The following RABGGTB variants were observed in gnomAD, a reference collection of about 807,000 sequenced individuals.
RABGGTB encodes the protein geranylgeranyl transferase type-2 subunit beta.
A neutral mutation model predicts 44.5 loss-of-function variants in RABGGTB; 20 were observed. That is an observed-to-expected ratio of 0.45 (90% confidence interval 0.32 to 0.65). RABGGTB has a LOEUF of 0.65. RABGGTB is among the 30% of genes least tolerant of loss of function. The pLI, the probability that RABGGTB is intolerant of heterozygous loss-of-function variation, is 0.05. For synonymous variants in RABGGTB, 128 were observed against 136.7 expected (o/e 0.94, Z 0.44); for missense variants, 302 against 398.7 (o/e 0.76, Z 2.06).
intron 8 of RABGGTB, 136 bp from the exon 9 acceptor site, chr1:75,794,374 A>G (rs143839539): frequency 7.7e-7 from 1 of 1,295,864 alleles, no homozygotes; most frequent in Non-Finnish European, 1.1e-6. Context: ...TGTATGAAGG[A>G]TATAGAACAA....
Position 75,789,339 on chromosome 1 carries a change from A to T in RABGGTB, c.292A>T (p.Thr98Ser), listed in dbSNP as rs771297175. ...SIGHDPHLLY[T>S]LSAVQILTLY... ...CGGACATGATCCTCATCTTTTATACACTCTTAGTGCTGTCCAGGTAAATAC... is the reference window on the plus strand; with the variant it reads ...CGGACATGATCCTCATCTTTTATACTCTCTTAGTGCTGTCCAGGTAAATAC... The change falls in exon 3 of 9, where the codon ACT becomes TCT. Residue 98 changes from threonine to serine, a missense_variant. Physicochemically the swap from Thr to Ser is moderately conservative, Grantham distance 58 (BLOSUM62 1). This residue lies in a region of RABGGTB where 213 missense variants were observed against 323.7 expected (regional missense o/e 0.66). Transcript: ENST00000319942. 6.2e-7 allele frequency: 1 copy of T among 1,613,764 alleles called. No individual in the cohort carries two copies. The highest frequency in any genetic ancestry group is 8.5e-7 in the Non-Finnish European group (1 of 1,179,842).
At chr1:75,791,727 C>G (rs1323625694) in intron 6 of RABGGTB, 156 bp downstream of exon 6, 2 of 665,394 alleles carry the variant, frequency 3.0e-6, no homozygotes, top group Non-Finnish European at 5.1e-6. Context: ...GCTATCATTA[C>G]TTTGCTTTAT....
chr1:75,791,280 T>C lies in RABGGTB; in HGVS notation c.416-5T>C, dbSNP rs756492124. The C allele has an allele frequency of 3.1e-6, 5 of 1,606,814 alleles. No homozygotes were observed. The highest frequency in any genetic ancestry group is 4.3e-6 in the Non-Finnish European group (5 of 1,173,358). On this transcript the variant is annotated splice_region_variant and splice_polypyrimidine_tract_variant and intron_variant, in intron 4 of 8. Transcript: ENST00000319942. ...CTGCCTTGATTTGATCTATTTTTAT[T>C]GTAGGAGAAATTGACACAAGATTCT...
At position 75,794,162 on chromosome 1, in the gene RABGGTB, A is replaced by G. The variant is rs201388291; in HGVS notation, c.784A>G (p.Lys262Glu). 29 of 1,613,934 alleles carry G rather than the reference A, an allele frequency of 1.8e-5. No individual in the cohort carries two copies. In the Middle Eastern group the frequency reaches 3.1e-3, roughly 174 times the overall value. The part of the protein sequence containing the change: ...IGRLHWIDRE[K>E]LRNFILACQD... Reference sequence around the variant, plus strand: ...AAGACTTCATTGGATTGATAGAGAGAAACTGCGTAATTTCATTTTAGCATG... The same window carrying G: ...AAGACTTCATTGGATTGATAGAGAGGAACTGCGTAATTTCATTTTAGCATG... Residue 262 changes from lysine to glutamate, a missense_variant, in exon 8 of 9, where the codon AAA (lysine) becomes GAA (glutamate). Transcript: ENST00000319942.
At chr1:75,793,889 TA>T (rs1474646412) in intron 7 of RABGGTB, 194 bp from the exon 8 acceptor site, 1 of 514,086 alleles carries the variant, frequency 1.9e-6, no homozygotes, top group East Asian at 3.1e-5. Flanking sequence ...TCTTACCCAT[TA>T]ATTGATTATC....
chr1:75,792,329 C>T, intron 7 of RABGGTB, 23 bp downstream of exon 7: 1 of 1,610,274 alleles, frequency 6.2e-7, no homozygotes, highest in East Asian at 2.2e-5. Flanking sequence ...AAGCCATATT[C>T]TGCTAGCTTT....
intron 1 of RABGGTB, 135 bp from the exon 2 acceptor site, chr1:75,787,362 C>A (rs2100482538): frequency 1.4e-6 from 1 of 698,854 alleles, no homozygotes; most frequent in East Asian, 2.7e-5. Flanking sequence ...TAGTTAGTTA[C>A]AATTTTTAAA....
In RABGGTB at chr1:75,790,041, TG is replaced by T; in HGVS notation, c.400del (p.Ala134LeufsTer42). 1 of 1,612,748 alleles carries T rather than the reference TG, an allele frequency of 6.2e-7. No individual in the cohort carries two copies. Among genetic ancestry groups the T allele is most frequent in the Non-Finnish European group, 8.5e-7 (1 of 1,178,984 alleles). ...GTCTACAGAAAGAAGATGGTTCTTT[TG>T]CTGGAGATATTTGGGGTAATGTCAG... ...KGLQKEDGSF[A>X]GDIWGEIDTR... On this transcript the variant is annotated frameshift_variant, in exon 4 of 9. Transcript: ENST00000319942. LOFTEE classifies it high-confidence loss of function.
At position 75,791,301 on chromosome 1, in the gene RABGGTB, A is replaced by G; in HGVS notation, c.432A>G (p.Arg144=). The change falls in exon 5 of 9, where the codon AGA becomes AGG. Residue 144 remains arginine (R), a synonymous_variant. Transcript: ENST00000319942. ...TTATTGTAGGAGAAATTGACACAAG[A>G]TTCTCTTTTTGTGCGGTGGCAACTT... ...AGDIWGEIDT[R]FSFCAVATLA... is the part of the protein sequence containing the mutation. 1.2e-6 allele frequency: 2 copies of G among 1,610,228 alleles called. No homozygotes were observed. Among genetic ancestry groups the G allele is most frequent in the Non-Finnish European group, 1.7e-6 (2 of 1,176,660 alleles).
At chr1:75,790,401 G>A (rs1382996507) in intron 4 of RABGGTB, 8 of 1,154,370 alleles carry the variant, frequency 6.9e-6, no homozygotes, top group African/African-American at 1.6e-5. Context: ...AGTGGAGGGA[G>A]GGAATAGAAT....
At chr1:75,787,467 A>G (rs200688483) in intron 1 of RABGGTB, 30 bp from the exon 2 acceptor site, 1 of 1,502,272 alleles carries the variant, frequency 6.7e-7, no homozygotes, top group African/African-American at 1.4e-5. Context: ...AGAGGTAAAC[A>G]TTGATGAGAT....
intron 6 of RABGGTB, 133 bp from the exon 7 acceptor site, chr1:75,792,044 AATAC>A (rs1160524892): frequency 1.8e-5 from 13 of 708,214 alleles, no homozygotes; most frequent in Non-Finnish European, 3.0e-5. Flanking sequence ...ATGTGGTATT[AATAC>A]ATGTTTGGAA....
intron 2 of RABGGTB, chr1:75,788,684 GT>G (rs1306826551): frequency 6.3e-6 from 1 of 157,540 alleles, no homozygotes; most frequent in East Asian, 1.9e-4. Context: ...ATTAGCCACT[GT>G]TTTATCTGGG....
chr1:75,790,086 A>T, intron 4 of RABGGTB, 29 bp downstream of exon 4: 1 of 1,607,120 alleles, frequency 6.2e-7, no homozygotes, highest in South Asian at 1.1e-5. Flanking sequence ...CATTCTACCC[A>T]AAATACCAAT....
chr1:75,789,202 G>T lies in RABGGTB; in HGVS notation c.155G>T (p.Trp52Leu). 1.2e-6 allele frequency: 2 copies of T among 1,613,956 alleles called. No homozygotes were observed. The highest frequency in any genetic ancestry group is 1.7e-6 in the Non-Finnish European group (2 of 1,179,896). Residue 52 changes from tryptophan (W) to leucine (L), a missense_variant, in exon 3 of 9, where the codon TGG (tryptophan) becomes TTG (leucine). By Grantham distance (61) the Trp-to-Leu change is moderately conservative. This residue lies in a region of RABGGTB where 89 missense variants were observed against 75.0 expected (regional missense o/e 1.19). Coordinates refer to ENST00000319942, the MANE Select transcript of RABGGTB (RefSeq NM_004582.4). ...SEYLRMSGIY[W>L]GLTVMDLMGQ... ...TATTTGAGAATGAGTGGCATCTATT[G>T]GGGTCTGACAGTAATGGATCTCATG...
chr1:75,787,261 C>T (rs1233355330), intron 1 of RABGGTB: 1 of 633,424 alleles, frequency 1.6e-6, no homozygotes, highest in Non-Finnish European at 2.9e-6. Context: ...GAGTCGGTCT[C>T]CGGTCGCCCA....
intron 4 of RABGGTB, 105 bp downstream of exon 4, chr1:75,790,162 G>A (rs1241973379): frequency 1.4e-5 from 21 of 1,537,616 alleles, no homozygotes; most frequent in Non-Finnish European, 1.8e-5. Flanking sequence ...GTCCCACTAA[G>A]CAGCTGGTCT....
Position 75,789,979 on chromosome 1 carries a change from G to A in RABGGTB, c.337G>A (p.Val113Ile), listed in dbSNP as rs1649606782. ...TCTTACGCTGTATGACAGTATTAAT[G>A]TTATTGACGTAAATAAAGTTGTGGA... The part of the protein sequence containing the change: ...QILTLYDSIN[V>I]IDVNKVVEYV... The change falls in exon 4 of 9, where the codon GTT becomes ATT. Residue 113 changes from valine to isoleucine, a missense_variant. Around this residue, in one of 2 missense-constraint regions of RABGGTB, gnomAD observed 213 missense variants for 323.7 expected, o/e 0.66. Transcript: ENST00000319942. 1 of 1,610,826 alleles carries A rather than the reference G, an allele frequency of 6.2e-7. No homozygotes were observed. The highest frequency in any genetic ancestry group is 8.5e-7 in the Non-Finnish European group (1 of 1,177,716).
intron 7 of RABGGTB, 72 bp downstream of exon 7, chr1:75,792,378 T>C: frequency 5.7e-6 from 9 of 1,570,442 alleles, no homozygotes; most frequent in Non-Finnish European, 7.8e-6. Flanking sequence ...TCTTGCCTGT[T>C]TCTATATTGT....
Sources: gnomAD v4.1 joint callset for allele counts on GRCh38, gnomAD v4.1.1 for gene constraint, gnomAD v4.1.1 regional missense constraint, MANE v1.5 for transcripts, NCBI Gene and HGNC (gene_info 2026-07-23, HGNC 2026-07-21) for gene names.